CSMD3: variants seen among roughly 807,000 people sequenced by gnomAD.
CSMD3 encodes CUB and Sushi multiple domains 3.
Under a neutral mutation model 435.2 loss-of-function variants are expected in CSMD3, and 177 were observed. The observed-to-expected ratio is 0.41, with a 90% confidence interval of 0.36 to 0.46. The LOEUF is 0.46. Among genes scored for constraint, CSMD3 ranks in the 20% least tolerant of loss-of-function variants. The pLI is 0.34. For synonymous variants in CSMD3, 1,656 were observed against 1,520.5 expected, an observed-to-expected ratio of 1.09 and a Z score of -2.07; for missense variants, 4,265 against 4,504.6, an observed-to-expected ratio of 0.95 and a Z score of 1.52.
intron 22 of CSMD3, among the ~76,000 whole-genome samples, chr8:112,596,624 C>G (rs1024042485): frequency 5.3e-5 from 8 of 152,020 alleles, no homozygotes; most frequent in African/African-American, 1.7e-4. Flanking sequence ...AAGTAAAGCT[C>G]TCCTCAGCAA....
At chr8:112,752,898 C>CACGT (rs1491380239) in intron 13 of CSMD3, among the ~76,000 whole-genome samples, 1 of 96,018 alleles carries the variant, frequency 1.0e-5, no homozygotes, top group African/African-American at 4.8e-5. Flanking sequence ...TATTTGTTAC[C>CACGT]GCGTGTGTGT....
At chr8:113,174,228 G>A (rs2092314525) in intron 3 of CSMD3, among the ~76,000 whole-genome samples, 1 of 151,954 alleles carries the variant, frequency 6.6e-6, no homozygotes, top group East Asian at 1.9e-4. Context: ...TCATTCACAT[G>A]GCTTTTTCAA....
At chr8:112,729,696 A>G (rs918899406) in intron 13 of CSMD3, among the ~76,000 whole-genome samples, 3 of 152,096 alleles carry the variant, frequency 2.0e-5, no homozygotes, top group African/African-American at 7.2e-5. Flanking sequence ...TACCTGCTTA[A>G]AAGGGATTAT....
In CSMD3 at chr8:112,472,698, C is replaced by T; in HGVS notation, c.5288G>A (p.Gly1763Glu). 6.2e-7 allele frequency: 1 copy of T among 1,600,206 alleles called. No homozygotes were observed. The highest frequency in any genetic ancestry group is 8.6e-7 in the Non-Finnish European group (1 of 1,167,626). Residue 1763 changes from glycine to glutamate, a missense_variant, in exon 32 of 71, where the codon GGA becomes GAA. Coordinates refer to ENST00000297405, the MANE Select transcript of CSMD3 (RefSeq NM_198123.2). ...GCCTTCTGAACCTGTTGAACGACTT[C>T]CACAGGGCGCTAGGAAAAAATGGCA... ...RALPSCHAPCGSRSTGSEGTV... is the reference protein window; with the variant it reads ...RALPSCHAPCESRSTGSEGTV...
intron 5 of CSMD3, among the ~76,000 whole-genome samples, chr8:113,042,021 C>T (rs759515153): frequency 2.6e-5 from 4 of 152,122 alleles, no homozygotes; most frequent in African/African-American, 9.7e-5. Context: ...AGAATTAATG[C>T]TTTGTTGTAC....
chr8:113,022,621 T>C (rs2086723170), intron 5 of CSMD3, among the ~76,000 whole-genome samples: 1 of 151,686 alleles, frequency 6.6e-6, no homozygotes, highest in Non-Finnish European at 1.5e-5. Context: ...AAAATCTCCA[T>C]ACTCAGGATT....
intron 11 of CSMD3, among the ~76,000 whole-genome samples, chr8:112,845,440 C>T (rs571448080): frequency 6.6e-6 from 1 of 151,916 alleles, no homozygotes; most frequent in East Asian, 1.9e-4. Flanking sequence ...TAAACAGGGT[C>T]ACAAGACTGG....
At chr8:112,631,537 C>G (rs1378364834) in intron 22 of CSMD3, among the ~76,000 whole-genome samples, 1 of 151,994 alleles carries the variant, frequency 6.6e-6, no homozygotes, top group East Asian at 1.9e-4. Flanking sequence ...TCGTACATTT[C>G]TTTTATTTAT....
chr8:112,880,664 T>C (rs1333624253), intron 10 of CSMD3, among the ~76,000 whole-genome samples: 1 of 152,058 alleles, frequency 6.6e-6, no homozygotes, highest in Non-Finnish European at 1.5e-5. Flanking sequence ...GTGCTGGGGA[T>C]GTAAATAAAT....
At chr8:112,694,687 G>C (rs2076213422) in intron 13 of CSMD3, among the ~76,000 whole-genome samples, 1 of 152,048 alleles carries the variant, frequency 6.6e-6, no homozygotes, top group Non-Finnish European at 1.5e-5. Context: ...TAGTGATATG[G>C]TTAGGCTTTG....
intron 10 of CSMD3, among the ~76,000 whole-genome samples, chr8:112,905,665 C>T (rs1046747705): frequency 1.3e-5 from 2 of 151,346 alleles, no homozygotes; most frequent in African/African-American, 4.8e-5. Context: ...TCCTATAATG[C>T]AACTTACTAT....
intron 13 of CSMD3, among the ~76,000 whole-genome samples, chr8:112,704,974 A>C (rs911003975): frequency 1.3e-5 from 2 of 152,046 alleles, no homozygotes; most frequent in Non-Finnish European, 2.9e-5. Flanking sequence ...CTTCTTGATG[A>C]TTATAAGTGG....
intron 9 of CSMD3, among the ~76,000 whole-genome samples, chr8:112,937,523 G>C (rs1300407033): frequency 2.0e-5 from 3 of 151,700 alleles, no homozygotes. Flanking sequence ...GCTAACTTTT[G>C]TATTTTTAGT....
At chr8:112,894,938 G>A (rs1434918569) in intron 10 of CSMD3, among the ~76,000 whole-genome samples, 2 of 151,362 alleles carry the variant, frequency 1.3e-5, no homozygotes, top group African/African-American at 4.8e-5. Context: ...ATAAATGCCA[G>A]TGGAGTTTGG....
At chr8:112,289,873 G>C (rs1357194019) in intron 56 of CSMD3, among the ~76,000 whole-genome samples, 4 of 152,052 alleles carry the variant, frequency 2.6e-5, no homozygotes, top group Non-Finnish European at 5.9e-5. Flanking sequence ...AGTTCGAACT[G>C]TATCTGTTCC....
chr8:113,428,003 T>C lies in CSMD3; in HGVS notation c.178+8674A>G, dbSNP rs530959429. 1.6e-4 allele frequency among the ~76,000 whole-genome samples: 25 copies of C among 151,854 alleles called. No individual in the cohort carries two copies. In the South Asian group the frequency reaches 5.2e-3, roughly 31 times the overall value. The stretch of plus-strand genomic sequence containing the variant: ...TTTACCTCTGTTTTATCTTACTTAA[T>C]GTGCTAGTTTTATATTTTATAGTGT... On this transcript the variant is annotated intron_variant, in intron 1 of 70. Transcript: ENST00000297405.
At chr8:112,938,288 T>C (rs1452948509) in intron 9 of CSMD3, among the ~76,000 whole-genome samples, 1 of 152,200 alleles carries the variant, frequency 6.6e-6, no homozygotes, top group East Asian at 1.9e-4. Context: ...TCTCCTTTAA[T>C]GAAACCTGCA....
chr8:112,695,318 T>C (rs2076226726), intron 13 of CSMD3, among the ~76,000 whole-genome samples: 1 of 152,214 alleles, frequency 6.6e-6, no homozygotes. Flanking sequence ...GTGTTATGTA[T>C]ATCATACTTT....
chr8:113,233,657 A>G (rs944492679), intron 3 of CSMD3, among the ~76,000 whole-genome samples: 2 of 151,902 alleles, frequency 1.3e-5, no homozygotes, highest in African/African-American at 4.8e-5. Flanking sequence ...ATCCTCAATC[A>G]TAAGCTGTTT....
Sources: allele counts gnomAD v4.1 joint callset (sites outside exome capture counted in the v4.1 genomes callset), GRCh38; gene constraint gnomAD v4.1.1; transcripts MANE v1.5; gene names NCBI Gene and HGNC (gene_info 2026-07-23, HGNC 2026-07-21).